Variants in SEPTIN7 observed in about 807,000 individuals in gnomAD.
SEPTIN7 encodes septin 7.
In SEPTIN7, 10 loss-of-function variants were observed where a neutral mutation model predicts 63.3. That is an observed-to-expected ratio of 0.16 (90% CI 0.10 to 0.27). The LOEUF is 0.27. SEPTIN7 is among the 10% of genes least tolerant of loss of function. The pLI is 1.00. For synonymous variants in SEPTIN7, 131 were observed against 165.3 expected (o/e 0.79, Z 1.59); for missense variants, 310 against 521.0 (o/e 0.59, Z 3.94).
chr7:35,845,466 G>A (rs1453848434), intron 3 of SEPTIN7, among the ~76,000 whole-genome samples: 1 of 152,078 alleles, frequency 6.6e-6, no homozygotes, highest in African/African-American at 2.4e-5. Flanking sequence ...AACATTCGGG[G>A]CAAATGTGTG....
chr7:35,913,138 C>T, the SEPTIN7 span, among the ~76,000 whole-genome samples: 2 of 152,062 alleles, frequency 1.3e-5, no homozygotes, highest in Non-Finnish European at 2.9e-5. Context: ...TGAGAATGTG[C>T]CTGTTGCTTA....
intron 1 of SEPTIN7, chr7:35,802,322 G>T: frequency 3.3e-6 from 1 of 307,654 alleles, no homozygotes; most frequent in Non-Finnish European, 6.8e-6. Flanking sequence ...CATTTGCTGA[G>T]TTACTTTTGA....
chr7:35,813,377 A>T (rs1261108261), intron 1 of SEPTIN7, among the ~76,000 whole-genome samples: 1 of 151,200 alleles, frequency 6.6e-6, no homozygotes, highest in African/African-American at 2.4e-5. Context: ...TTTTTTTGGA[A>T]AGAGTCTCGC....
rs571757670 is a variant in SEPTIN7, at chr7:35,883,778, G to A, written c.724-113G>A. On this transcript the variant is annotated intron_variant, in intron 8 of 13. Transcript: ENST00000350320. ...TATAAAAACTAATGCAGAAACTATC[G>A]AAAGTAAATTTTTTTTTTTTTTGGC... 2.5e-4 allele frequency: 135 copies of A among 542,378 alleles called. 1 individual carries two copies. In the African/African-American group the frequency reaches 2.6e-3, roughly 10 times the overall value. The allele number at this position is 542,378 out of a possible 1,614,324, so 33.6% of individuals were successfully genotyped here.
In SEPTIN7 at chr7:35,882,485, T is replaced by C; in HGVS notation, c.632T>C (p.Ile211Thr). 1 of 1,460,874 alleles carries C rather than the reference T, an allele frequency of 6.8e-7. No individual in the cohort carries two copies. Among genetic ancestry groups the C allele is most frequent in the Non-Finnish European group, 9.2e-7 (1 of 1,091,756 alleles). 90.5% of individuals were successfully genotyped at this position (1,460,874 alleles called of 1,614,324 possible). ...TGCTGACTACTTCTTCCATTTTAGA[T>C]AATGAAAGAAATCCAAGAACATAAA... The part of the protein sequence containing the change: ...PEECQQFKKQ[I>T]MKEIQEHKIK... The change falls in exon 8 of 14, where the codon ATA becomes ACA. Residue 211 changes from isoleucine to threonine, a missense_variant and splice_region_variant. Around this residue, in one of 2 missense-constraint regions of SEPTIN7, gnomAD observed 255 missense variants for 490.5 expected, o/e 0.52. Coordinates refer to ENST00000350320, the MANE Select transcript of SEPTIN7 (RefSeq NM_001788.6).
intron 4 of SEPTIN7, among the ~76,000 whole-genome samples, chr7:35,865,111 A>G (rs1785736301): frequency 1.3e-5 from 2 of 150,516 alleles, no homozygotes; most frequent in Admixed American, 6.6e-5. Context: ...CTACATGCTT[A>G]TTTATTTTGT....
chr7:35,910,867 C>T (rs551724216), downstream of SEPTIN7, among the ~76,000 whole-genome samples: 9 of 152,152 alleles, frequency 5.9e-5, no homozygotes, highest in Non-Finnish European at 7.4e-5. Flanking sequence ...TGGAGAGACC[C>T]GATAACAAAA....
chr7:35,891,415 G>A lies in SEPTIN7; in HGVS notation c.998+622G>A, dbSNP rs1422056347. The stretch of plus-strand genomic sequence containing the variant: ...GATGGTAGAGCCTTCTACACACCTA[G>A]GTTATGTGGTCTAGCTATTCCTTGC... On this transcript the variant is annotated intron_variant, in intron 11 of 13. Transcript: ENST00000350320. Among the ~76,000 whole-genome samples, 5 of 152,162 alleles carry A rather than the reference G, an allele frequency of 3.3e-5. No homozygotes were observed. The East Asian group carries it at 9.6e-4, about 29-fold the overall frequency.
chr7:35,899,828 G>A (rs1427320853), intron 12 of SEPTIN7: 1 of 152,342 alleles, frequency 6.6e-6, no homozygotes, highest in Non-Finnish European at 1.5e-5. Context: ...AGGCTGTAGT[G>A]AGCCATGATT....
intron 7 of SEPTIN7, among the ~76,000 whole-genome samples, 186 bp downstream of exon 7, chr7:35,880,126 G>A (rs1786740084): frequency 6.7e-6 from 1 of 149,018 alleles, no homozygotes; most frequent in Admixed American, 6.7e-5. Context: ...TGTTTTAAGT[G>A]TTCTGTAATA....
chr7:35,801,530 C>G (rs950809065), intron 1 of SEPTIN7, among the ~76,000 whole-genome samples: 6 of 151,654 alleles, frequency 4.0e-5, no homozygotes, highest in Admixed American at 2.6e-4. Context: ...CGGGCTGGCC[C>G]CCGGCGCAGA....
intron 1 of SEPTIN7, among the ~76,000 whole-genome samples, chr7:35,810,977 C>T (rs1454614307): frequency 6.6e-6 from 1 of 151,768 alleles, no homozygotes; most frequent in African/African-American, 2.4e-5. Flanking sequence ...CCATGTTGGC[C>T]AGACTGGTAT....
chr7:35,872,635 A>G (rs1244983025), intron 4 of SEPTIN7, 31 bp from the exon 5 acceptor site: 8 of 1,486,986 alleles, frequency 5.4e-6, no homozygotes, highest in East Asian at 2.3e-5. Context: ...GTAATGTATG[A>G]TATTAACATC....
chr7:35,883,785 A>ATT, intron 8 of SEPTIN7, 106 bp from the exon 9 acceptor site: 1 of 517,440 alleles, frequency 1.9e-6, no homozygotes, highest in Non-Finnish European at 3.3e-6. Context: ...ATCGAAAGTA[A>ATT]ATTTTTTTTT....
chr7:35,878,255 T>C (rs573647670), intron 6 of SEPTIN7, among the ~76,000 whole-genome samples: 1 of 151,978 alleles, frequency 6.6e-6, no homozygotes, highest in South Asian at 2.1e-4. Flanking sequence ...AAAGGATGAA[T>C]AGGAATTAGC....
At position 35,885,838 on chromosome 7, in the gene SEPTIN7, T is replaced by G. The variant is rs1787205177; in HGVS notation, c.831T>G (p.Gly277=). 1 of 1,605,268 alleles carries G rather than the reference T, an allele frequency of 6.2e-7. No homozygotes were observed. Among genetic ancestry groups the G allele is most frequent in the African/African-American group, 1.3e-5 (1 of 74,754 alleles). Residue 277 remains glycine (G), a synonymous_variant, in exon 10 of 14, where the codon GGT becomes GGG. Transcript: ENST00000350320. ...GCTTTTTTCTTACAGTTGAAAATGG[T>G]GAACATTGTGATTTTACAATCCTAA... is the stretch of plus-strand genomic sequence containing the variant. ...YPWGVAEVEN[G]EHCDFTILRN... is the part of the protein sequence containing the mutation.
intron 3 of SEPTIN7, among the ~76,000 whole-genome samples, chr7:35,857,969 G>A (rs1035014039): frequency 6.6e-6 from 1 of 151,986 alleles, no homozygotes; most frequent in African/African-American, 2.4e-5. Flanking sequence ...TTGGGACAGA[G>A]TCTTGCTCTG....
intron 5 of SEPTIN7, 147 bp from the exon 6 acceptor site, chr7:35,873,494 T>C: frequency 1.5e-6 from 1 of 677,064 alleles, no homozygotes; most frequent in Non-Finnish European, 2.4e-6. Context: ...ACATAATTTA[T>C]ATTTTTGAAT....
At chr7:35,804,506 A>G (rs1321604863) in intron 1 of SEPTIN7, among the ~76,000 whole-genome samples, 2 of 152,246 alleles carry the variant, frequency 1.3e-5, no homozygotes, top group Non-Finnish European at 2.9e-5. Flanking sequence ...TGTAGGGATT[A>G]CACATTGGGG....
Sources: gnomAD v4.1 joint callset for allele counts (sites outside exome capture counted in the v4.1 genomes callset) on GRCh38, gnomAD v4.1.1 for gene constraint, gnomAD v4.1.1 regional missense constraint, MANE v1.5 for transcripts, NCBI Gene and HGNC (gene_info 2026-07-23, HGNC 2026-07-21) for gene names.